The following ALAD variants were observed in gnomAD, a reference collection of about 807,000 sequenced individuals.
ALAD encodes aminolevulinate dehydratase.
A neutral mutation model predicts 44.4 loss-of-function variants in ALAD; 20 were observed. The observed-to-expected ratio is 0.45, with a 90% CI of 0.32 to 0.65. ALAD has a LOEUF of 0.65. Ranked by LOEUF, ALAD falls within the 30% of genes least tolerant of loss-of-function variation. The probability of loss-of-function intolerance (pLI) is 0.05; values close to 1 mark genes in which losing one functional copy is unlikely to be tolerated. For missense variants in ALAD, 323 were observed against 445.7 expected (o/e 0.72, Z 2.48); for synonymous variants, 156 against 167.9 (o/e 0.93, Z 0.55).
chr9:113,390,786 G>A lies in ALAD; in HGVS notation c.397+12C>T, dbSNP rs8177805. The A allele has an allele frequency of 0.08, 128,588 of 1,604,504 alleles. 5,475 individuals carry two copies. The highest frequency in any genetic ancestry group is 0.089 in the African/African-American group (6,656 of 74,978). Reference sequence around the variant, plus strand: ...GGGTGGCAGCAGGGCTGGTGGGAGGGAGGGAACTCACCGCAGTGACCATGG... The same window carrying A: ...GGGTGGCAGCAGGGCTGGTGGGAGGAAGGGAACTCACCGCAGTGACCATGG... On this transcript the variant is annotated intron_variant, in intron 5 of 11. Coordinates refer to ENST00000409155, the MANE Select transcript of ALAD (RefSeq NM_000031.6).
At chr9:113,397,066 A>G (rs570673548) in intron 1 of ALAD, 2 of 152,356 alleles carry the variant, frequency 1.3e-5, no homozygotes, top group African/African-American at 4.8e-5. Context: ...ACAGCGAGCA[A>G]AAGGACTAGA....
chr9:113,389,846 A>T lies in ALAD; in HGVS notation c.571-18T>A. ...ACCGATACCTATGGGGAGACAATGG[A>T]GGTCTTGGCTTATTCGGCCCTTGCC... On this transcript the variant is annotated intron_variant, in intron 7 of 11. Transcript: ENST00000409155. The T allele has an allele frequency of 1.2e-6, 2 of 1,614,138 alleles. No individual in the cohort carries two copies. The highest frequency in any genetic ancestry group is 2.2e-5 in the South Asian group (2 of 91,080).
intron 7 of ALAD, 143 bp downstream of exon 7, chr9:113,390,262 T>A: frequency 1.2e-6 from 1 of 843,826 alleles, no homozygotes; most frequent in Non-Finnish European, 1.9e-6. Context: ...CCTCAAGTGA[T>A]CTACCTGCCT....
chr9:113,391,123 T>G (rs1210683272), intron 4 of ALAD, among the ~76,000 whole-genome samples, 190 bp from the exon 5 acceptor site: 1 of 152,208 alleles, frequency 6.6e-6, no homozygotes, highest in Non-Finnish European at 1.5e-5. Flanking sequence ...CATTCACCTG[T>G]GGCCCCAGGG....
chr9:113,400,041 C>T (rs1827817530), intron 1 of ALAD, among the ~76,000 whole-genome samples: 1 of 152,212 alleles, frequency 6.6e-6, no homozygotes, highest in Non-Finnish European at 1.5e-5. Context: ...CCCAGCCTTG[C>T]CCTGGGGCTT....
At chr9:113,390,979 T>G (rs1273193975) in intron 4 of ALAD, 46 bp from the exon 5 acceptor site, 1 of 1,611,910 alleles carries the variant, frequency 6.2e-7, no homozygotes, top group Non-Finnish European at 8.5e-7. Context: ...TACATGTAGC[T>G]TTGGAAGGCA....
intron 9 of ALAD, 31 bp downstream of exon 9, chr9:113,389,568 T>C (rs773271903): frequency 1.9e-6 from 3 of 1,614,064 alleles, no homozygotes; most frequent in East Asian, 4.5e-5. Context: ...AGGAGGGGGC[T>C]GAGGGTGGGG....
intron 1 of ALAD, among the ~76,000 whole-genome samples, chr9:113,400,240 C>T (rs1827821652): frequency 6.6e-6 from 1 of 152,166 alleles, no homozygotes; most frequent in Non-Finnish European, 1.5e-5. Flanking sequence ...AGCGGCAGAT[C>T]TGGGGGAAGG....
In ALAD at chr9:113,390,946, GA is replaced by G; in HGVS notation, c.262-14del. On this transcript the variant is annotated splice_polypyrimidine_tract_variant and intron_variant, in intron 4 of 11. Transcript: ENST00000409155. ...AACCCCGCTCGTCCTAGGGGCAGGG[GA>G]GGGACAAAGCAGTGTGTCTATTACA... 6.2e-7 allele frequency: 1 copy of G among 1,613,978 alleles called. No individual in the cohort carries two copies. Among genetic ancestry groups the G allele is most frequent in the Non-Finnish European group, 8.5e-7 (1 of 1,180,008 alleles).
At position 113,390,898 on chromosome 9, in the gene ALAD, G is replaced by T. The variant is rs1037027498; in HGVS notation, c.297C>A (p.Ser99=). ...ERGSAADSEE[S]PAIEAIHLLR... ...ACAGATGGATTGCCTCAATAGCTGG[G>T]GACTCCTCGGAGTCAGCTGCGGAAC... The change falls in exon 5 of 12, where the codon TCC becomes TCA. Residue 99 remains serine, a synonymous_variant. Coordinates refer to ENST00000409155, the MANE Select transcript of ALAD (RefSeq NM_000031.6). 1 of 1,614,030 alleles carries T rather than the reference G, an allele frequency of 6.2e-7. No individual in the cohort carries two copies. The highest frequency in any genetic ancestry group is 1.3e-5 in the African/African-American group (1 of 74,934).
chr9:113,391,021 C>A (rs367607896), intron 4 of ALAD, 88 bp from the exon 5 acceptor site: 1 of 1,523,844 alleles, frequency 6.6e-7, no homozygotes, highest in South Asian at 1.2e-5. Flanking sequence ...ATAGCCCTGG[C>A]CTTCTCCTTC....
intron 1 of ALAD, among the ~76,000 whole-genome samples, chr9:113,398,438 A>G (rs1251508689): frequency 1.3e-5 from 2 of 152,126 alleles, no homozygotes; most frequent in Non-Finnish European, 2.9e-5. Context: ...AGGCTGAGGG[A>G]ACAACTGGCT....
Position 113,387,862 on chromosome 9 carries a change from C to G in ALAD, c.*438G>C, listed in dbSNP as rs886063362. ...TCAACTCTAACCCAGGGATATCGAT[C>G]TAGGCCTCATTCCCACACCCAGCTC... On this transcript the variant is annotated 3_prime_UTR_variant, in exon 12 of 12. Coordinates refer to ENST00000409155, the MANE Select transcript of ALAD (RefSeq NM_000031.6). 1 of 279,124 alleles carries G rather than the reference C, an allele frequency of 3.6e-6. No individual in the cohort carries two copies. Among genetic ancestry groups the G allele is most frequent in the South Asian group, 3.8e-5 (1 of 26,088 alleles). 17.3% of individuals were successfully genotyped at this position (279,124 alleles called of 1,614,324 possible).
chr9:113,394,074 G>C (rs1588086097), intron 1 of ALAD, among the ~76,000 whole-genome samples: 1 of 151,328 alleles, frequency 6.6e-6, no homozygotes, highest in African/African-American at 2.4e-5. Context: ...AAGTAGCTGG[G>C]ACTGCAGGTG....
At position 113,389,693 on chromosome 9, in the gene ALAD, A is replaced by G; in HGVS notation, c.627-7T>C. On this transcript the variant is annotated splice_region_variant and splice_polypyrimidine_tract_variant and intron_variant, in intron 8 of 11. Coordinates refer to ENST00000409155, the MANE Select transcript of ALAD (RefSeq NM_000031.6). ...GCTTGACTTAGCTGCATCCCTGCAA[A>G]GCAGAGTCATCAGGGTGGGCTCCAG... 6.2e-7 allele frequency: 1 copy of G among 1,614,182 alleles called. No homozygotes were observed. The highest frequency in any genetic ancestry group is 8.5e-7 in the Non-Finnish European group (1 of 1,180,024).
At chr9:113,391,309 C>T (rs1252483884) in intron 4 of ALAD, among the ~76,000 whole-genome samples, 1 of 152,250 alleles carries the variant, frequency 6.6e-6, no homozygotes, top group Non-Finnish European at 1.5e-5. Flanking sequence ...CTCAAGCAAT[C>T]CTCCCACCTC....
Position 113,387,646 on chromosome 9 carries a change from T to TGTG in ALAD, c.*651_*653dup, listed in dbSNP as rs1827435262. ...AAGTATCTCCTGAATAAAAAGTGTT[T>TGTG]GTGGTGGTGGCACCTCTAGCAGTCA... On this transcript the variant is annotated 3_prime_UTR_variant, in exon 12 of 12. Transcript: ENST00000409155. The TGTG allele has an allele frequency of 6.3e-6, 1 of 159,232 alleles. No homozygotes were observed. The highest frequency in any genetic ancestry group is 1.4e-5 in the Non-Finnish European group (1 of 71,946). The allele number at this position is 159,232 out of a possible 1,614,324, so 9.9% of individuals were successfully genotyped here. A position where few individuals can be genotyped will look rare whatever the true frequency, so the allele number is the denominator to read the frequency against.
intron 3 of ALAD, 72 bp downstream of exon 3, chr9:113,392,047 G>T: frequency 7.1e-7 from 1 of 1,403,838 alleles, no homozygotes; most frequent in Non-Finnish European, 9.9e-7. Flanking sequence ...GTCTGCTTCT[G>T]CCTCCCAGCA....
At chr9:113,391,106 C>T (rs1827570000) in intron 4 of ALAD, among the ~76,000 whole-genome samples, 173 bp from the exon 5 acceptor site, 1 of 152,192 alleles carries the variant, frequency 6.6e-6, no homozygotes, top group African/African-American at 2.4e-5. Context: ...AGGGCAAAGA[C>T]CACGTCCATT....
Sources: allele counts gnomAD v4.1 joint callset (sites outside exome capture counted in the v4.1 genomes callset), GRCh38; gene constraint gnomAD v4.1.1; transcripts MANE v1.5; gene names NCBI Gene and HGNC (gene_info 2026-07-23, HGNC 2026-07-21).